Variants in XPR1 observed in about 807,000 individuals in gnomAD.
XPR1 encodes xenotropic and polytropic retrovirus receptor 1.
Under a neutral mutation model 87.5 loss-of-function variants are expected in XPR1, and 28 were observed. The ratio of observed to expected loss-of-function variants is 0.32; its 90% CI spans 0.24 to 0.44. The LOEUF is 0.44. Among genes scored for constraint, XPR1 ranks in the 20% least tolerant of loss-of-function variants. The pLI, the probability that XPR1 is intolerant of heterozygous loss-of-function variation, is 1.00. For synonymous variants in XPR1, 300 were observed against 306.1 expected (o/e 0.98, Z 0.21); for missense variants, 559 against 862.3 (o/e 0.65, Z 4.41).
intron 12 of XPR1, among the ~76,000 whole-genome samples, chr1:180,864,268 T>G (rs760698154): frequency 2.6e-5 from 4 of 152,174 alleles, no homozygotes; most frequent in Non-Finnish European, 5.9e-5. Context: ...TCCTCCTCTT[T>G]AAAAGTCAGT....
At chr1:180,821,670 A>G (rs1487392689) in intron 7 of XPR1, among the ~76,000 whole-genome samples, 2 of 152,228 alleles carry the variant, frequency 1.3e-5, no homozygotes, top group African/African-American at 4.8e-5. Flanking sequence ...AAATCTTTAA[A>G]TCCATGAACA....
In XPR1 at chr1:180,651,187, G is replaced by A. The variant is rs577000745; in HGVS notation, c.69+18917G>A. Among the ~76,000 whole-genome samples the A allele has an allele frequency of 5.9e-5, 9 of 151,944 alleles. No homozygotes were observed. The South Asian group carries it at 1.9e-3, about 32-fold the overall frequency. On this transcript the variant is annotated intron_variant, in intron 1 of 14. Coordinates refer to ENST00000367590, the MANE Select transcript of XPR1 (RefSeq NM_004736.4). ...GCTCACTGCAACCTCTGCCTCCTGGGTTCAAGCAATTCTCCTGCCTCAGCT... is the reference window on the plus strand; with the variant it reads ...GCTCACTGCAACCTCTGCCTCCTGGATTCAAGCAATTCTCCTGCCTCAGCT...
rs1192537540 is a variant in XPR1 at position 180,885,606 on chromosome 1, G to C, written c.*1540G>C. ...AAATTAATATAAATTCCAGGACATG[G>C]TAAAATGTGTTTTAATAACCCCCAG... On this transcript the variant is annotated 3_prime_UTR_variant, in exon 15 of 15. Transcript: ENST00000367590. 1 of 152,118 alleles carries C rather than the reference G, an allele frequency of 6.6e-6. No individual in the cohort carries two copies. Among genetic ancestry groups the C allele is most frequent in the Non-Finnish European group, 1.5e-5 (1 of 68,022 alleles). The allele number at this position is 152,118 out of a possible 1,614,324, so 9.4% of individuals were successfully genotyped here. A position where few individuals can be genotyped will look rare whatever the true frequency, so the allele number is the denominator to read the frequency against.
chr1:180,803,141 ACT>A lies in XPR1; in HGVS notation c.224-244_224-243del, dbSNP rs1649856747. On this transcript the variant is annotated intron_variant, in intron 3 of 14. Transcript: ENST00000367590. ...AGAGGCTGTACCATTTTGCGTTTTCACTCTTAGTGGCTCTTTACATTTTATTT... is the reference window on the plus strand; with the variant it reads ...AGAGGCTGTACCATTTTGCGTTTTCACTTAGTGGCTCTTTACATTTTATTT... Among the ~76,000 whole-genome samples the A allele has an allele frequency of 2.0e-5, 3 of 152,194 alleles. No individual in the cohort carries two copies. In the South Asian group the frequency reaches 6.2e-4, roughly 32 times the overall value.
rs186122940 is a variant in XPR1 at position 180,803,741 on chromosome 1, G to C, written c.447+130G>C. ...AAATCCTTAACATGTTGTTATTCTT[G>C]GGGTTCCTACTGGCTAAAAACCATG... On this transcript the variant is annotated intron_variant, in intron 4 of 14. Transcript: ENST00000367590. 2.4e-4 allele frequency: 182 copies of C among 746,188 alleles called. 7 individuals carry two copies. In the Admixed American group the frequency reaches 4.2e-3, roughly 17 times the overall value. The allele number at this position is 746,188 out of a possible 1,614,324, so 46.2% of individuals were successfully genotyped here.
intron 2 of XPR1, among the ~76,000 whole-genome samples, chr1:180,717,235 C>T (rs946783087): frequency 7.9e-5 from 12 of 152,138 alleles, no homozygotes; most frequent in South Asian, 2.1e-4. Context: ...TCAGGTGATC[C>T]GCCCACTTTG....
intron 2 of XPR1, among the ~76,000 whole-genome samples, chr1:180,764,427 CT>C (rs1045779037): frequency 9.5e-4 from 138 of 145,126 alleles, no homozygotes; most frequent in Non-Finnish European, 9.8e-4. Context: ...AACCTGTAAT[CT>C]TTTTTTTTTT....
chr1:180,798,052 ATTG>A (rs1455119552), intron 3 of XPR1, among the ~76,000 whole-genome samples: 1 of 152,122 alleles, frequency 6.6e-6, no homozygotes, highest in African/African-American at 2.4e-5. Context: ...AAATATATGA[ATTG>A]TTCTGTTTTT....
intron 11 of XPR1, among the ~76,000 whole-genome samples, chr1:180,844,035 A>C (rs899719643): frequency 6.6e-6 from 1 of 152,074 alleles, no homozygotes; most frequent in African/African-American, 2.4e-5. Context: ...TCATGGTGAA[A>C]CCCCATCTCT....
chr1:180,756,463 C>T lies in XPR1; in HGVS notation c.122-31290C>T, dbSNP rs182854786. On this transcript the variant is annotated intron_variant, in intron 2 of 14. Transcript: ENST00000367590. ...TTTGGGATAAGTCTATTCACATCCTCTGCCCATTTTAAAATTGTGTAGTCT... is the reference window on the plus strand; with the variant it reads ...TTTGGGATAAGTCTATTCACATCCTTTGCCCATTTTAAAATTGTGTAGTCT... 3.2e-4 allele frequency among the ~76,000 whole-genome samples: 48 copies of T among 152,300 alleles called. No individual in the cohort carries two copies. The East Asian group carries it at 7.5e-3, about 24-fold the overall frequency.
chr1:180,764,669 C>T (rs191689903), intron 2 of XPR1, among the ~76,000 whole-genome samples: 222 of 151,778 alleles, frequency 1.5e-3, no homozygotes, highest in African/African-American at 4.4e-3. Context: ...GGGGTTTTGC[C>T]GTGTTGCCCA....
rs558074182 is a variant in XPR1 at position 180,803,917 on chromosome 1, A to T, written c.447+306A>T. 2.6e-5 allele frequency among the ~76,000 whole-genome samples: 4 copies of T among 152,256 alleles called. No homozygotes were observed. The South Asian group carries it at 8.3e-4, about 32-fold the overall frequency. On this transcript the variant is annotated intron_variant, in intron 4 of 14. Transcript: ENST00000367590. ...GTTTTTAGAGGCAGCTCTGATAGTC[A>T]TGAATAGAAATAATACATCTCTCCA...
chr1:180,775,915 G>C (rs1384800188), intron 2 of XPR1, among the ~76,000 whole-genome samples: 2 of 152,024 alleles, frequency 1.3e-5, no homozygotes, highest in Non-Finnish European at 2.9e-5. Context: ...AAATTGATTG[G>C]TCTGAATAAT....
At chr1:180,748,696 C>A (rs1325325461) in intron 2 of XPR1, among the ~76,000 whole-genome samples, 15 of 151,918 alleles carry the variant, frequency 9.9e-5, no homozygotes. Context: ...GGGATTACAG[C>A]ATGAGCCACC....
At chr1:180,807,321 A>C (rs1049910962) in intron 6 of XPR1, among the ~76,000 whole-genome samples, 2 of 152,220 alleles carry the variant, frequency 1.3e-5, no homozygotes. Flanking sequence ...AATCTAGTGA[A>C]TCTATAGAAT....
chr1:180,666,675 C>G (rs1233945778), intron 1 of XPR1, among the ~76,000 whole-genome samples: 1 of 152,164 alleles, frequency 6.6e-6, no homozygotes, highest in Non-Finnish European at 1.5e-5. Context: ...CACTTTGCGT[C>G]AGCTTTGTAT....
chr1:180,715,775 C>T (rs982850628), intron 2 of XPR1, among the ~76,000 whole-genome samples: 1 of 151,798 alleles, frequency 6.6e-6, no homozygotes, highest in South Asian at 2.1e-4. Context: ...CTCCCGGAAG[C>T]GATTCTCCTG....
At chr1:180,663,178 G>A (rs549199319) in intron 1 of XPR1, among the ~76,000 whole-genome samples, 1 of 152,276 alleles carries the variant, frequency 6.6e-6, no homozygotes, top group East Asian at 1.9e-4. Context: ...TGGATGTCTT[G>A]AGTTTGTGGA....
intron 3 of XPR1, among the ~76,000 whole-genome samples, chr1:180,797,331 G>A (rs917902975): frequency 1.7e-4 from 26 of 152,252 alleles, no homozygotes; most frequent in Non-Finnish European, 1.5e-5. Context: ...CAAGCCCTAA[G>A]GTGGGAGTTT....
Sources: gnomAD v4.1 joint callset for allele counts (sites outside exome capture counted in the v4.1 genomes callset) on GRCh38, gnomAD v4.1.1 for gene constraint, MANE v1.5 for transcripts, NCBI Gene and HGNC (gene_info 2026-07-23, HGNC 2026-07-21) for gene names.